HS6ST3: variants seen among roughly 807,000 people sequenced by gnomAD.
HS6ST3 encodes the protein heparan sulfate 6-O-sulfotransferase 3.
Under a neutral mutation model 36.7 loss-of-function variants are expected in HS6ST3, and 12 were observed. That is an observed-to-expected ratio of 0.33 (90% CI 0.21 to 0.53). The LOEUF is 0.53. Among genes scored for constraint, HS6ST3 ranks in the 20% least tolerant of loss-of-function variants. The probability of loss-of-function intolerance (pLI) is 0.95; values close to 1 mark genes in which losing one functional copy is unlikely to be tolerated. For missense variants in HS6ST3, 584 were observed against 640.9 expected (o/e 0.91, Z 0.96); for synonymous variants, 240 against 257.5 (o/e 0.93, Z 0.65).
intron 1 of HS6ST3, among the ~76,000 whole-genome samples, chr13:96,160,998 C>T (rs1322201372): frequency 6.6e-6 from 1 of 152,072 alleles, no homozygotes; most frequent in Admixed American, 6.5e-5. Context: ...TCTGTACTTC[C>T]TTAATGTTTA....
At chr13:96,556,669 A>C (rs1419747749) in intron 1 of HS6ST3, among the ~76,000 whole-genome samples, 3 of 152,184 alleles carry the variant, frequency 2.0e-5, no homozygotes, top group Non-Finnish European at 4.4e-5. Flanking sequence ...AGATGAATGC[A>C]TTTTAATACT....
At chr13:96,196,038 G>A (rs2054311197) in intron 1 of HS6ST3, among the ~76,000 whole-genome samples, 1 of 152,032 alleles carries the variant, frequency 6.6e-6, no homozygotes, top group South Asian at 2.1e-4. Context: ...TTTTACTTGT[G>A]TGCTTTTTCC....
At chr13:96,527,438 G>T (rs1186300046) in intron 1 of HS6ST3, among the ~76,000 whole-genome samples, 1 of 152,154 alleles carries the variant, frequency 6.6e-6, no homozygotes, top group Non-Finnish European at 1.5e-5. Context: ...CTCTCATGTA[G>T]CTTATATTTG....
At chr13:96,510,257 AT>A (rs201790623) in intron 1 of HS6ST3, among the ~76,000 whole-genome samples, 12 of 151,838 alleles carry the variant, frequency 7.9e-5, no homozygotes, top group Admixed American at 2.0e-4. Context: ...ACTTTAATCA[AT>A]TTTTTTTATC....
intron 1 of HS6ST3, among the ~76,000 whole-genome samples, chr13:96,095,595 G>C (rs2053786244): frequency 6.6e-6 from 1 of 152,260 alleles, no homozygotes; most frequent in African/African-American, 2.4e-5. Flanking sequence ...CTGGAGATTT[G>C]GGGTCTTTCT....
intron 1 of HS6ST3, among the ~76,000 whole-genome samples, chr13:96,612,912 C>T (rs2056461411): frequency 1.3e-5 from 2 of 152,152 alleles, no homozygotes; most frequent in South Asian, 4.1e-4. Context: ...GAGTCAGTCT[C>T]CCCTGGTTTC....
intron 1 of HS6ST3, among the ~76,000 whole-genome samples, chr13:96,549,412 A>G (rs1383720988): frequency 3.3e-5 from 5 of 152,196 alleles, no homozygotes; most frequent in Non-Finnish European, 7.3e-5. Flanking sequence ...TGGCTTTATC[A>G]GAGAACAGTA....
At chr13:96,104,168 A>C (rs2053830498) in intron 1 of HS6ST3, among the ~76,000 whole-genome samples, 1 of 152,212 alleles carries the variant, frequency 6.6e-6, no homozygotes, top group Non-Finnish European at 1.5e-5. Context: ...TGTTCTATTC[A>C]TACTTGGTTT....
At position 96,242,110 on chromosome 13, in the gene HS6ST3, G is replaced by T. The variant is rs182446981; in HGVS notation, c.707+150541G>T. On this transcript the variant is annotated intron_variant, in intron 1 of 1. Coordinates refer to ENST00000376705, the MANE Select transcript of HS6ST3 (RefSeq NM_153456.4). ...TGATGTAACATTTTCTAATGTTAAA[G>T]AAGTGGGGGCCGGGCGCATAACTAA... Among the ~76,000 whole-genome samples the T allele has an allele frequency of 2.2e-3, 342 of 152,148 alleles. 1 individual carries two copies. The highest frequency in any genetic ancestry group is 3.4e-3 in the Non-Finnish European group (230 of 67,990).
chr13:96,164,374 T>G lies in HS6ST3; in HGVS notation c.707+72805T>G, dbSNP rs577284791. Among the ~76,000 whole-genome samples, 12 of 152,036 alleles carry G rather than the reference T, an allele frequency of 7.9e-5. 1 individual carries two copies. Among genetic ancestry groups the G allele is most frequent in the African/African-American group, 2.7e-4 (11 of 41,472 alleles). On this transcript the variant is annotated intron_variant, in intron 1 of 1. Coordinates refer to ENST00000376705, the MANE Select transcript of HS6ST3 (RefSeq NM_153456.4). Reference sequence around the variant, plus strand: ...TTTGAGACCAGCCTGGACAAAACAGTGAGACACCGTCTATACAAAATTAAA... The same window carrying G: ...TTTGAGACCAGCCTGGACAAAACAGGGAGACACCGTCTATACAAAATTAAA...
chr13:96,196,987 C>G (rs2054317494), intron 1 of HS6ST3, among the ~76,000 whole-genome samples: 1 of 152,206 alleles, frequency 6.6e-6, no homozygotes, highest in East Asian at 1.9e-4. Flanking sequence ...ATATTTCTGG[C>G]TCTGCCATTC....
chr13:96,783,708 C>G (rs1877577347), intron 1 of HS6ST3, among the ~76,000 whole-genome samples: 1 of 151,686 alleles, frequency 6.6e-6, no homozygotes, highest in Admixed American at 6.6e-5. Context: ...TTTCCTTTTA[C>G]TGGGGGCTGA....
Position 96,489,249 on chromosome 13 carries a change from A to G in HS6ST3, c.708-343241A>G, listed in dbSNP as rs115669227. Among the ~76,000 whole-genome samples, 700 of 152,046 alleles carry G rather than the reference A, an allele frequency of 4.6e-3. 7 individuals are homozygous for G. Among genetic ancestry groups the G allele is most frequent in the African/African-American group, 0.016 (647 of 41,518 alleles). ...TTTTACCAAGGCTTCTTATAGCAAA[A>G]TGATTACTTATAGAACAAACTCCAG... On this transcript the variant is annotated intron_variant, in intron 1 of 1. Coordinates refer to ENST00000376705, the MANE Select transcript of HS6ST3 (RefSeq NM_153456.4).
At chr13:96,684,539 A>G (rs1874716683) in intron 1 of HS6ST3, among the ~76,000 whole-genome samples, 1 of 152,036 alleles carries the variant, frequency 6.6e-6, no homozygotes, top group Non-Finnish European at 1.5e-5. Flanking sequence ...CTGTATGCGC[A>G]TATTGGTAAG....
At chr13:96,103,041 T>G (rs1218046698) in intron 1 of HS6ST3, among the ~76,000 whole-genome samples, 1 of 152,208 alleles carries the variant, frequency 6.6e-6, no homozygotes, top group Non-Finnish European at 1.5e-5. Context: ...ATTTTAAAAA[T>G]CCATGATTCT....
At chr13:96,234,315 C>T (rs2054523637) in intron 1 of HS6ST3, among the ~76,000 whole-genome samples, 1 of 151,982 alleles carries the variant, frequency 6.6e-6, no homozygotes, top group South Asian at 2.1e-4. Context: ...GAGGCTGAGG[C>T]AAGAGAATCG....
intron 1 of HS6ST3, among the ~76,000 whole-genome samples, chr13:96,172,867 T>C (rs1267455748): frequency 1.3e-5 from 2 of 152,224 alleles, no homozygotes; most frequent in African/African-American, 4.8e-5. Context: ...TACTTATCTC[T>C]CAGTAGGTGC....
At chr13:96,318,532 C>CAAAA (rs1555297729) in intron 1 of HS6ST3, among the ~76,000 whole-genome samples, 1 of 89,030 alleles carries the variant, frequency 1.1e-5, no homozygotes. Context: ...GACTCCTTCT[C>CAAAA]AAAAAAACAA....
chr13:96,285,919 T>TCCCTCTCTCTCTCCCCCACTC (rs2054799782), intron 1 of HS6ST3, among the ~76,000 whole-genome samples: 2 of 143,870 alleles, frequency 1.4e-5, no homozygotes. Context: ...CTCCCCCACT[T>TCCCTCTCTCTCTCCCCCACTC]TCCCTCCTTC....
Sources: gnomAD v4.1 joint callset for allele counts (sites outside exome capture counted in the v4.1 genomes callset) on GRCh38, gnomAD v4.1.1 for gene constraint, MANE v1.5 for transcripts, NCBI Gene and HGNC (gene_info 2026-07-23, HGNC 2026-07-21) for gene names.